CHD2: variants seen among roughly 807,000 people sequenced by gnomAD.
CHD2 encodes ATP-dependent chromatin remodeler CHD2.
CHD2 carries 28 observed loss-of-function variants against 243.9 expected under a neutral mutation model. The observed-to-expected ratio is 0.11, with a 90% CI of 0.09 to 0.16. CHD2 has a LOEUF of 0.16. CHD2 is among the 10% of genes least tolerant of loss of function. The probability of loss-of-function intolerance (pLI) is 1.00; values close to 1 mark genes in which losing one functional copy is unlikely to be tolerated. For missense variants in CHD2, 1,386 were observed against 2,209.8 expected (o/e 0.63, Z 7.47); for synonymous variants, 775 against 779.0 (o/e 0.99, Z 0.09).
In CHD2 at chr15:93,019,998, T is replaced by G. The variant is rs761544086; in HGVS notation, c.4907-14T>G. ...TTTCTTGCAGTCATCAGATCATTCT[T>G]TCTTTTCCTGCAGATCGAGGAGACT... is the stretch of plus-strand genomic sequence containing the variant. On this transcript the variant is annotated splice_polypyrimidine_tract_variant and intron_variant, in intron 37 of 38. Coordinates refer to ENST00000394196, the MANE Select transcript of CHD2 (RefSeq NM_001271.4). 1.9e-6 allele frequency: 3 copies of G among 1,604,934 alleles called. No homozygotes were observed. The South Asian group carries it at 3.3e-5, about 18-fold the overall frequency.
At chr15:92,920,494 A>G (rs1596376463) in intron 2 of CHD2, among the ~76,000 whole-genome samples, 1 of 152,348 alleles carries the variant, frequency 6.6e-6, no homozygotes, top group East Asian at 1.9e-4. Flanking sequence ...TTGGCATTCC[A>G]TTACATCCTA....
intron 17 of CHD2, among the ~76,000 whole-genome samples, chr15:92,970,213 T>C (rs1325192405): frequency 1.3e-5 from 2 of 152,082 alleles, no homozygotes; most frequent in African/African-American, 2.4e-5. Context: ...ATTATTATTA[T>C]TTTTTGAGAT....
chr15:93,005,998 A>T (rs113673798), intron 34 of CHD2, among the ~76,000 whole-genome samples: 2,326 of 152,342 alleles, frequency 0.015, 20 homozygotes, highest in South Asian at 0.037. Flanking sequence ...TTTCAGGGAT[A>T]TAATAGTCAT....
chr15:92,929,615 A>AT (rs1312755645), intron 5 of CHD2, among the ~76,000 whole-genome samples: 3 of 152,132 alleles, frequency 2.0e-5, no homozygotes, highest in African/African-American at 4.8e-5. Context: ...TTATATGTTG[A>AT]TTTTTTAATT....
chr15:92,993,369 A>T (rs1202538326), intron 28 of CHD2: 1 of 179,224 alleles, frequency 5.6e-6, no homozygotes, highest in East Asian at 1.5e-4. Context: ...TCTTGGATAT[A>T]TATTGTGCGT....
chr15:92,953,792 G>A (rs930953128), intron 14 of CHD2: 5 of 536,194 alleles, frequency 9.3e-6, no homozygotes, highest in Non-Finnish European at 1.6e-5. Context: ...TATGTGAGTG[G>A]GAATCTCTTT....
Position 93,016,285 on chromosome 15 carries a change from C to G in CHD2, c.4906+1376C>G, listed in dbSNP as rs7175070. Among the ~76,000 whole-genome samples the G allele has an allele frequency of 8.4e-3, 1,278 of 152,160 alleles. 58 individuals carry two copies. Among genetic ancestry groups the G allele is most frequent in the Admixed American group, 0.071 (1,093 of 15,296 alleles). ...GAGAAAAACTGCATATTCTCACTTA[C>G]GTATGGAATCTGAAAAAGTCAAACT... On this transcript the variant is annotated intron_variant, in intron 37 of 38. Coordinates refer to ENST00000394196, the MANE Select transcript of CHD2 (RefSeq NM_001271.4).
chr15:92,987,424 AC>A (rs1441475594), intron 26 of CHD2, among the ~76,000 whole-genome samples: 1 of 151,766 alleles, frequency 6.6e-6, no homozygotes, highest in East Asian at 1.9e-4. Context: ...ACATGGCGAA[AC>A]CCTCTCTCTA....
rs74428373 is a variant in CHD2 at position 92,993,959 on chromosome 15, G to T, written c.3595+961G>T. Among the ~76,000 whole-genome samples, 112 of 152,238 alleles carry T rather than the reference G, an allele frequency of 7.4e-4. 1 individual carries two copies. In the East Asian group the frequency reaches 0.02, roughly 28 times the overall value. On this transcript the variant is annotated intron_variant, in intron 28 of 38. Coordinates refer to ENST00000394196, the MANE Select transcript of CHD2 (RefSeq NM_001271.4). ...TGCACTTCAGCCTGGGTGACAGAGC[G>T]AAACCCTGTCTCAAAATATAAATAA...
intron 2 of CHD2, chr15:92,904,373 T>C (rs2141702505): frequency 1.1e-6 from 1 of 900,896 alleles, no homozygotes; most frequent in Non-Finnish European, 1.3e-6. Context: ...TTCGGCAGCC[T>C]CCGCCCCGTG....
chr15:92,934,654 A>G (rs2053233717), intron 5 of CHD2, among the ~76,000 whole-genome samples: 1 of 152,206 alleles, frequency 6.6e-6, no homozygotes, highest in South Asian at 2.1e-4. Flanking sequence ...AGGGTTGGGA[A>G]GTAATTTCTT....
At chr15:92,960,292 C>A (rs1249419567) in intron 16 of CHD2, among the ~76,000 whole-genome samples, 2 of 151,936 alleles carry the variant, frequency 1.3e-5, no homozygotes, top group Non-Finnish European at 2.9e-5. Context: ...GTTTTCTGTA[C>A]CTAAAGATTT....
At chr15:92,914,691 AT>A (rs2052801516) in intron 2 of CHD2, among the ~76,000 whole-genome samples, 1 of 152,146 alleles carries the variant, frequency 6.6e-6, no homozygotes, top group South Asian at 2.1e-4. Flanking sequence ...ACTTTTTCTT[AT>A]ACATGTACCT....
At chr15:92,963,194 G>A (rs1367394985) in intron 16 of CHD2, among the ~76,000 whole-genome samples, 3 of 152,008 alleles carry the variant, frequency 2.0e-5, no homozygotes, top group Non-Finnish European at 4.4e-5. Flanking sequence ...TAATATGGTT[G>A]GATTTATTTC....
intron 38 of CHD2, chr15:93,020,524 G>T: frequency 1.7e-6 from 1 of 595,798 alleles, no homozygotes; most frequent in Non-Finnish European, 3.0e-6. Context: ...TAAAATATTA[G>T]AGTCAACAAC....
Position 93,014,701 on chromosome 15 carries a change from AAAG to A in CHD2, c.4704_4706del (p.Lys1569del). ...GGTTTCCTTTTACTCTTTAGGAGCA[AAAG>A]AAGAAAGACGACGTGACTGGGGGTA... On this transcript the variant is annotated inframe_deletion, in exon 37 of 39. Transcript: ENST00000394196. 6.2e-7 allele frequency: 1 copy of A among 1,613,862 alleles called. No individual in the cohort carries two copies. The highest frequency in any genetic ancestry group is 8.5e-7 in the Non-Finnish European group (1 of 1,179,980).
intron 38 of CHD2, among the ~76,000 whole-genome samples, chr15:93,023,678 TGTG>T (rs142301391): frequency 7.2e-6 from 1 of 138,682 alleles, no homozygotes; most frequent in Non-Finnish European, 1.6e-5. Context: ...GTTTTTTTTT[TGTG>T]TTTTTTTTTA....
At position 92,915,575 on chromosome 15, in the gene CHD2, A is replaced by G. The variant is rs144972175; in HGVS notation, c.63-8746A>G. 2.2e-4 allele frequency among the ~76,000 whole-genome samples: 34 copies of G among 152,254 alleles called. No homozygotes were observed. In the East Asian group the frequency reaches 6.2e-3, roughly 28 times the overall value. On this transcript the variant is annotated intron_variant, in intron 2 of 38. Transcript: ENST00000394196. The stretch of plus-strand genomic sequence containing the variant: ...CGTGAGCCACCACGCCCGGCCTAAT[A>G]AAGTTTTAAAATAAAAAAGTTAGAC...
chr15:92,998,362 G>A lies in CHD2; in HGVS notation c.3886-137G>A. 7.0e-7 allele frequency: 1 copy of A among 1,418,488 alleles called. No homozygotes were observed. Among genetic ancestry groups the A allele is most frequent in the East Asian group, 2.4e-5 (1 of 42,456 alleles). 87.9% of individuals were successfully genotyped at this position (1,418,488 alleles called of 1,614,324 possible). ...GACTGGGAGCCATGGACATGAGATAGGATCTGAGGCTTTATCTATATTTTG... is the reference window on the plus strand; with the variant it reads ...GACTGGGAGCCATGGACATGAGATAAGATCTGAGGCTTTATCTATATTTTG... On this transcript the variant is annotated intron_variant, in intron 30 of 38. Coordinates refer to ENST00000394196, the MANE Select transcript of CHD2 (RefSeq NM_001271.4). The surrounding 1 kb of genome is among the most constrained non-coding windows in gnomAD (Gnocchi z 5.1).
Sources: gnomAD v4.1 joint callset for allele counts (sites outside exome capture counted in the v4.1 genomes callset) on GRCh38, gnomAD v4.1.1 for gene constraint, Gnocchi (gnomAD v3.1) non-coding constraint, MANE v1.5 for transcripts, NCBI Gene and HGNC (gene_info 2026-07-23, HGNC 2026-07-21) for gene names.